Variants in C3orf70 observed in about 807,000 individuals in gnomAD.
C3orf70 encodes chromosome 3 open reading frame 70.
Under a neutral mutation model 20.7 loss-of-function variants are expected in C3orf70, and 15 were observed. The observed-to-expected ratio is 0.72, with a 90% CI of 0.48 to 1.11. The LOEUF (loss-of-function observed/expected upper bound fraction) is 1.11, where lower values mean the gene tolerates loss of function less well. Among genes scored for constraint, C3orf70 ranks in the 50% most tolerant of loss-of-function variants. The probability of loss-of-function intolerance (pLI) is 0.00; values close to 1 mark genes in which losing one functional copy is unlikely to be tolerated. For missense variants in C3orf70, 332 were observed against 317.6 expected (o/e 1.05, Z -0.34); for synonymous variants, 161 against 125.7 (o/e 1.28, Z -1.88).
chr3:185,085,812 C>A (rs1364096112), intron 1 of C3orf70, among the ~76,000 whole-genome samples: 2 of 149,086 alleles, frequency 1.3e-5, no homozygotes, highest in East Asian at 2.0e-4. Context: ...GACCCTCCAG[C>A]CCCAGGATTA....
At chr3:185,098,554 C>T (rs1326294690) in intron 1 of C3orf70, among the ~76,000 whole-genome samples, 1 of 152,138 alleles carries the variant, frequency 6.6e-6, no homozygotes, top group Non-Finnish European at 1.5e-5. Flanking sequence ...CATAAAATCT[C>T]AAAGGATTAC....
At chr3:185,117,027 C>T (rs575092286) in intron 1 of C3orf70, among the ~76,000 whole-genome samples, 11 of 152,188 alleles carry the variant, frequency 7.2e-5, no homozygotes, top group South Asian at 2.1e-4. Flanking sequence ...GTGATCCGCC[C>T]GCCTCAGCCT....
intron 1 of C3orf70, among the ~76,000 whole-genome samples, chr3:185,125,220 A>G (rs1716382059): frequency 6.6e-6 from 1 of 152,100 alleles, no homozygotes; most frequent in Admixed American, 6.5e-5. Context: ...TCTCTACTAA[A>G]AACACAAAAT....
chr3:185,097,521 A>G (rs1715733718), intron 1 of C3orf70, among the ~76,000 whole-genome samples: 1 of 152,258 alleles, frequency 6.6e-6, no homozygotes, highest in South Asian at 2.1e-4. Flanking sequence ...AAGCTTAGGA[A>G]AAGAACTGTG....
chr3:185,101,076 G>A (rs1360520335), intron 1 of C3orf70, among the ~76,000 whole-genome samples: 1 of 151,910 alleles, frequency 6.6e-6, no homozygotes, highest in African/African-American at 2.4e-5. Flanking sequence ...AGGACCAGAG[G>A]GATTCACAGG....
At chr3:185,127,917 G>C (rs985590350) in intron 1 of C3orf70, among the ~76,000 whole-genome samples, 2 of 152,218 alleles carry the variant, frequency 1.3e-5, no homozygotes, top group African/African-American at 4.8e-5. Context: ...TTCCCCTCAA[G>C]AACAGCTTCA....
At chr3:185,143,919 T>C (rs1434284165) in intron 1 of C3orf70, among the ~76,000 whole-genome samples, 5 of 151,674 alleles carry the variant, frequency 3.3e-5, no homozygotes, top group Non-Finnish European at 5.9e-5. Flanking sequence ...TGCTTAACAA[T>C]GGAGGAAAAC....
chr3:185,149,622 G>C (rs1441624342), intron 1 of C3orf70, among the ~76,000 whole-genome samples: 3 of 152,146 alleles, frequency 2.0e-5, no homozygotes, highest in African/African-American at 7.2e-5. Flanking sequence ...ATACCAAAAA[G>C]AAAGGAGAAC....
chr3:185,099,734 G>A (rs953498189), intron 1 of C3orf70, among the ~76,000 whole-genome samples: 3 of 152,108 alleles, frequency 2.0e-5, no homozygotes, highest in African/African-American at 7.2e-5. Flanking sequence ...GAATGTAAAC[G>A]GGCTACATGC....
At position 185,152,979 on chromosome 3, in the gene C3orf70, T is replaced by G; in HGVS notation, c.-156A>C. 1 of 525,802 alleles carries G rather than the reference T, an allele frequency of 1.9e-6. No homozygotes were observed. Among genetic ancestry groups the G allele is most frequent in the Non-Finnish European group, 2.8e-6 (1 of 359,030 alleles). The allele number at this position is 525,802 out of a possible 1,614,324, so 32.6% of individuals were successfully genotyped here. A position where few individuals can be genotyped will look rare whatever the true frequency, so the allele number is the denominator to read the frequency against. ...CGGCGGGAGCGCGGCGGTCCCAGGCTCGAGGAGGAGCCGCCCCGGGCGCTG... is the reference window on the plus strand; with the variant it reads ...CGGCGGGAGCGCGGCGGTCCCAGGCGCGAGGAGGAGCCGCCCCGGGCGCTG... On this transcript the variant is annotated 5_prime_UTR_variant, in exon 1 of 2. Transcript: ENST00000335012.
chr3:185,116,640 A>G (rs1259026218), intron 1 of C3orf70, among the ~76,000 whole-genome samples: 1 of 152,216 alleles, frequency 6.6e-6, no homozygotes, highest in East Asian at 1.9e-4. Flanking sequence ...TCCACTGTTG[A>G]GAACCACTGC....
intron 1 of C3orf70, among the ~76,000 whole-genome samples, chr3:185,086,763 G>C (rs1715466592): frequency 6.6e-6 from 1 of 152,186 alleles, no homozygotes; most frequent in South Asian, 2.1e-4. Context: ...CTCAGAGCGA[G>C]GGTGAGAGCC....
intron 1 of C3orf70, among the ~76,000 whole-genome samples, chr3:185,110,116 T>A (rs550049813): frequency 1.3e-5 from 2 of 152,324 alleles, no homozygotes; most frequent in African/African-American, 4.8e-5. Context: ...CACCTCAACC[T>A]CATATGATAT....
Position 185,094,001 on chromosome 3 carries a change from G to C in C3orf70, c.197-10438C>G, listed in dbSNP as rs535469983. ...GCATATAACCTATGCACATCCTTCT[G>C]TATATTTTAAATCCTCTCTAGATTA... On this transcript the variant is annotated intron_variant, in intron 1 of 1. Transcript: ENST00000335012. Among the ~76,000 whole-genome samples, 6 of 148,770 alleles carry C rather than the reference G, an allele frequency of 4.0e-5. No individual in the cohort carries two copies. The South Asian group carries it at 1.3e-3, about 32-fold the overall frequency.
chr3:185,100,617 C>T (rs996184960), intron 1 of C3orf70, among the ~76,000 whole-genome samples: 1 of 151,990 alleles, frequency 6.6e-6, no homozygotes, highest in Non-Finnish European at 1.5e-5. Flanking sequence ...AACCTAACAT[C>T]ACAACTAAAT....
chr3:185,150,833 A>G (rs1716977548), intron 1 of C3orf70, among the ~76,000 whole-genome samples: 1 of 152,226 alleles, frequency 6.6e-6, no homozygotes, highest in African/African-American at 2.4e-5. Context: ...CTATTCCATA[A>G]AAGGAAAGGC....
intron 1 of C3orf70, 22 bp from the exon 2 acceptor site, chr3:185,083,585 C>A (rs370381031): frequency 1.8e-5 from 28 of 1,539,642 alleles, no homozygotes; most frequent in Non-Finnish European, 2.0e-5. Context: ...CAAAAAGACA[C>A]TTGAAATCTA....
In C3orf70 at chr3:185,077,205, G is replaced by A. The variant is rs1715212831; in HGVS notation, c.*5802C>T. Among the ~76,000 whole-genome samples the A allele has an allele frequency of 6.6e-6, 1 of 152,174 alleles. No individual in the cohort carries two copies. The highest frequency in any genetic ancestry group is 6.5e-5 in the Admixed American group (1 of 15,278). The stretch of plus-strand genomic sequence containing the variant: ...CCTGTCAGTGTTTCTCCTCCACTGT[G>A]TTGGGACCAGGTGCACTGAGGTAGA... On this transcript the variant is annotated 3_prime_UTR_variant, in exon 2 of 2. Transcript: ENST00000335012.
chr3:185,089,480 A>T (rs1342026384), intron 1 of C3orf70, among the ~76,000 whole-genome samples: 1 of 152,146 alleles, frequency 6.6e-6, no homozygotes, highest in Non-Finnish European at 1.5e-5. Flanking sequence ...TTCTCCAAGG[A>T]GCCCTAGTTC....
Sources: allele counts gnomAD v4.1 joint callset (sites outside exome capture counted in the v4.1 genomes callset), GRCh38; gene constraint gnomAD v4.1.1; transcripts MANE v1.5; gene names NCBI Gene and HGNC (gene_info 2026-07-23, HGNC 2026-07-21).